The following KCNU1 variants were observed in gnomAD, a reference collection of about 807,000 sequenced individuals.
KCNU1 encodes the protein potassium calcium-activated channel subfamily U member 1.
In KCNU1, 93 loss-of-function variants were observed where a neutral mutation model predicts 126.8. The ratio of observed to expected loss-of-function variants is 0.73; its 90% CI spans 0.62 to 0.87. The LOEUF is 0.87. Ranked by LOEUF, KCNU1 falls within the 40% of genes least tolerant of loss-of-function variation. The probability of loss-of-function intolerance (pLI) is 0.00; values close to 1 mark genes in which losing one functional copy is unlikely to be tolerated. For missense variants in KCNU1, 1,330 were observed against 1,367.1 expected, an observed-to-expected ratio of 0.97 and a Z score of 0.43; for synonymous variants, 523 against 494.2, an observed-to-expected ratio of 1.06 and a Z score of -0.77.
At chr8:36,788,721 T>A (rs1802799262) in intron 2 of KCNU1, among the ~76,000 whole-genome samples, 1 of 152,232 alleles carries the variant, frequency 6.6e-6, no homozygotes, top group African/African-American at 2.4e-5. Context: ...TCTCTTTTCC[T>A]GAAATCTCTG....
chr8:36,915,746 C>T (rs1404432485), intron 22 of KCNU1, among the ~76,000 whole-genome samples: 6 of 152,268 alleles, frequency 3.9e-5, no homozygotes, highest in Admixed American at 3.3e-4. Context: ...CAGAGAAGCC[C>T]CCCTTTGGGA....
intron 18 of KCNU1, among the ~76,000 whole-genome samples, chr8:36,860,078 C>T (rs1223427945): frequency 7.9e-6 from 1 of 127,102 alleles, no homozygotes; most frequent in Non-Finnish European, 1.8e-5. Context: ...AACCCATTAC[C>T]TGATTTTTTT....
At chr8:36,799,316 G>A (rs570221554) in intron 2 of KCNU1, among the ~76,000 whole-genome samples, 4 of 151,508 alleles carry the variant, frequency 2.6e-5, no homozygotes, top group Non-Finnish European at 5.9e-5. Flanking sequence ...CTGAAATTTC[G>A]CCATGATATG....
intron 19 of KCNU1, among the ~76,000 whole-genome samples, chr8:36,865,236 T>G (rs1805862399): frequency 6.6e-6 from 1 of 152,232 alleles, no homozygotes; most frequent in South Asian, 2.1e-4. Flanking sequence ...TAATAGTGAT[T>G]AAATGAGATT....
intron 20 of KCNU1, among the ~76,000 whole-genome samples, chr8:36,907,765 C>T (rs1452483056): frequency 1.3e-5 from 2 of 152,128 alleles, no homozygotes; most frequent in Non-Finnish European, 2.9e-5. Flanking sequence ...AATGATATAT[C>T]CATTTGAAGT....
At chr8:36,932,799 A>G (rs935244481) in intron 25 of KCNU1, 121 bp from the exon 26 acceptor site, 1 of 645,826 alleles carries the variant, frequency 1.5e-6, no homozygotes, top group Non-Finnish European at 2.8e-6. Context: ...CACCACAAAG[A>G]TATTAGGAAA....
chr8:36,803,782 G>A (rs769157573), intron 2 of KCNU1, among the ~76,000 whole-genome samples: 3 of 152,070 alleles, frequency 2.0e-5, no homozygotes, highest in Admixed American at 6.6e-5. Flanking sequence ...TGAAGTGTGC[G>A]CAAGTTAAAA....
intron 1 of KCNU1, among the ~76,000 whole-genome samples, chr8:36,784,925 G>A (rs945011942): frequency 3.9e-5 from 6 of 152,172 alleles, no homozygotes; most frequent in African/African-American, 9.7e-5. Context: ...CCTCTATCTC[G>A]AATTTTAACA....
At chr8:36,872,975 A>G (rs1806156097) in intron 19 of KCNU1, among the ~76,000 whole-genome samples, 1 of 152,150 alleles carries the variant, frequency 6.6e-6, no homozygotes, top group Non-Finnish European at 1.5e-5. Context: ...GCTACCCAGG[A>G]GGCTGAGGCA....
intron 21 of KCNU1, among the ~76,000 whole-genome samples, chr8:36,910,400 G>A (rs970206899): frequency 6.6e-6 from 1 of 152,058 alleles, no homozygotes; most frequent in Non-Finnish European, 1.5e-5. Flanking sequence ...GATCCAGCTA[G>A]TGTTAGGAAT....
At chr8:36,848,887 AG>A (rs1271862606) in intron 18 of KCNU1, among the ~76,000 whole-genome samples, 3 of 151,988 alleles carry the variant, frequency 2.0e-5, no homozygotes, top group East Asian at 1.9e-4. Context: ...TGTGTGGGGG[AG>A]GGGGGTGGAG....
At position 36,931,163 on chromosome 8, in the gene KCNU1, A is replaced by G; in HGVS notation, c.2931+18A>G. ...ACGTTAATGTGAGTCTACTCTTCTC[A>G]GAATTCAGTTTTTCACTTCTTTACC... On this transcript the variant is annotated intron_variant, in intron 25 of 26. Coordinates refer to ENST00000399881, the MANE Select transcript of KCNU1 (RefSeq NM_001031836.3). The G allele has an allele frequency of 1.0e-5, 16 of 1,573,624 alleles. No individual in the cohort carries two copies. The highest frequency in any genetic ancestry group is 1.3e-5 in the Non-Finnish European group (15 of 1,158,170).
At chr8:36,853,394 C>T (rs949962466) in intron 18 of KCNU1, among the ~76,000 whole-genome samples, 1 of 152,074 alleles carries the variant, frequency 6.6e-6, no homozygotes, top group African/African-American at 2.4e-5. Flanking sequence ...CTAAAAATTT[C>T]CCTCTAAGCA....
At chr8:36,906,181 C>CT (rs10650715) in intron 20 of KCNU1, among the ~76,000 whole-genome samples, 26,227 of 145,558 alleles carry the variant, frequency 0.18, 2,341 homozygotes, top group Non-Finnish European at 0.2. Context: ...ACTCTGCAGT[C>CT]TTTTTTTTTT....
At chr8:36,818,683 T>C (rs1423848045) in intron 10 of KCNU1, among the ~76,000 whole-genome samples, 8 of 152,224 alleles carry the variant, frequency 5.3e-5, no homozygotes. Context: ...GATTTTGAAA[T>C]GACATTTTGA....
intron 18 of KCNU1, among the ~76,000 whole-genome samples, chr8:36,848,173 T>A (rs563914272): frequency 3.2e-4 from 49 of 152,328 alleles, no homozygotes; most frequent in African/African-American, 1.1e-3. Context: ...GCCATCAAGT[T>A]CCTTGTATAT....
At chr8:36,874,876 C>T (rs887797989) in intron 19 of KCNU1, among the ~76,000 whole-genome samples, 2 of 151,962 alleles carry the variant, frequency 1.3e-5, no homozygotes, top group African/African-American at 4.8e-5. Flanking sequence ...CCTTGAACGT[C>T]CCTTTCCCTC....
At chr8:36,866,582 T>C (rs1386755290) in intron 19 of KCNU1, among the ~76,000 whole-genome samples, 1 of 152,106 alleles carries the variant, frequency 6.6e-6, no homozygotes, top group Non-Finnish European at 1.5e-5. Context: ...AACAAAACAG[T>C]CACAGATGAG....
intron 10 of KCNU1, among the ~76,000 whole-genome samples, chr8:36,830,121 A>C (rs1431549707): frequency 6.7e-6 from 1 of 149,912 alleles, no homozygotes; most frequent in Non-Finnish European, 1.5e-5. Flanking sequence ...TTATTAATCC[A>C]GATTTGTAAA....
Sources: allele counts gnomAD v4.1 joint callset (sites outside exome capture counted in the v4.1 genomes callset), GRCh38; gene constraint gnomAD v4.1.1; transcripts MANE v1.5; gene names NCBI Gene and HGNC (gene_info 2026-07-23, HGNC 2026-07-21).